PMM2: variants seen among roughly 807,000 people sequenced by gnomAD.
The protein encoded by PMM2 is mannose-6-phosphate isomerase.
PMM2 carries 35 observed loss-of-function variants against 33.2 expected under a neutral mutation model. The observed-to-expected ratio is 1.06, with a 90% CI of 0.81 to 1.40. The LOEUF is 1.40. PMM2 is among the 40% of genes most tolerant of loss of function. PMM2 has a pLI of 0.00. For missense variants in PMM2, 386 were observed against 306.0 expected, an observed-to-expected ratio of 1.26 and a Z score of -1.95; for synonymous variants, 153 against 114.7, an observed-to-expected ratio of 1.33 and a Z score of -2.13.
At chr16:8,830,058 C>T (rs894572195) in intron 7 of PMM2, among the ~76,000 whole-genome samples, 4 of 152,230 alleles carry the variant, frequency 2.6e-5, no homozygotes, top group Non-Finnish European at 5.9e-5. Context: ...GATGGGGCTA[C>T]AGTTACAGGA....
chr16:8,833,563 G>T (rs527291535), intron 7 of PMM2, among the ~76,000 whole-genome samples: 1 of 151,700 alleles, frequency 6.6e-6, no homozygotes, highest in African/African-American at 2.4e-5. Flanking sequence ...GAGAATGGAC[G>T]ATGTTTCTCA....
chr16:8,805,724 G>A (rs2060644287), intron 3 of PMM2, among the ~76,000 whole-genome samples: 1 of 151,926 alleles, frequency 6.6e-6, no homozygotes, highest in Non-Finnish European at 1.5e-5. Flanking sequence ...TCCCTAGGTG[G>A]GATTACAGGC....
intron 1 of PMM2, among the ~76,000 whole-genome samples, chr16:8,798,636 C>T (rs764736095): frequency 6.6e-6 from 1 of 152,212 alleles, no homozygotes; most frequent in Non-Finnish European, 1.5e-5. Flanking sequence ...AGGCTGCCCG[C>T]TGAGAGCCTC....
At chr16:8,832,369 G>A (rs2060815789) in intron 7 of PMM2, 1 of 985,290 alleles carries the variant, frequency 1.0e-6, no homozygotes, top group South Asian at 4.7e-5. Context: ...TTCCTGGATG[G>A]GAATTGATTC....
chr16:8,844,584 G>T (rs532714503), intron 7 of PMM2, among the ~76,000 whole-genome samples: 4 of 152,322 alleles, frequency 2.6e-5, no homozygotes, highest in East Asian at 3.9e-4. Context: ...GGGACTTGCC[G>T]CTAAGGGTTA....
intron 7 of PMM2, chr16:8,833,054 C>T (rs1055852313): frequency 1.0e-4 from 30 of 293,760 alleles, no homozygotes; most frequent in African/African-American, 1.8e-4. Context: ...CGTGCGCGTC[C>T]GTGTGAAGAG....
At chr16:8,804,881 A>C (rs761867405) in intron 3 of PMM2, 38 bp downstream of exon 3, 79 of 1,326,410 alleles carry the variant, frequency 6.0e-5, no homozygotes, top group Non-Finnish European at 8.2e-5. Context: ...TATACTATTA[A>C]AAGTGTTTTC....
At chr16:8,836,616 C>A (rs7198614) in intron 7 of PMM2, among the ~76,000 whole-genome samples, 74,572 of 151,694 alleles carry the variant, frequency 0.49, 18,685 homozygotes, top group South Asian at 0.55. Flanking sequence ...CTATTACTGT[C>A]CACCTTGAAG....
intron 7 of PMM2, among the ~76,000 whole-genome samples, chr16:8,823,439 GT>G (rs948520101): frequency 2.0e-5 from 3 of 152,134 alleles, no homozygotes; most frequent in African/African-American, 7.2e-5. Flanking sequence ...GTGTATCATA[GT>G]TTTTTGAAAC....
At chr16:8,812,906 A>G in intron 6 of PMM2, 85 bp from the exon 7 acceptor site, 2 of 835,966 alleles carry the variant, frequency 2.4e-6, no homozygotes, top group East Asian at 2.4e-5. Context: ...ACTAACTGAC[A>G]AAAGAGTAAA....
chr16:8,847,878 G>A lies in PMM2; in HGVS notation c.*53G>A, dbSNP rs762640350. ...GCTGACAAGCCAGCATAGGGCATTCGGTGGCCAGAGCCGAGGGTCCTCCCA... is the reference window on the plus strand; with the variant it reads ...GCTGACAAGCCAGCATAGGGCATTCAGTGGCCAGAGCCGAGGGTCCTCCCA... On this transcript the variant is annotated 3_prime_UTR_variant, in exon 8 of 8. Transcript: ENST00000268261. The A allele has an allele frequency of 3.3e-5, 46 of 1,393,058 alleles. No individual in the cohort carries two copies. Among genetic ancestry groups the A allele is most frequent in the Middle Eastern group, 2.0e-4 (1 of 5,086 alleles). The allele number at this position is 1,393,058 out of a possible 1,614,324, so 86.3% of individuals were successfully genotyped here. A position where few individuals can be genotyped will look rare whatever the true frequency, so the allele number is the denominator to read the frequency against.
At chr16:8,832,567 C>G in intron 7 of PMM2, 3 of 985,408 alleles carry the variant, frequency 3.0e-6, no homozygotes, top group Non-Finnish European at 3.6e-6. Flanking sequence ...AGCATAAACC[C>G]TTTTTGCTTC....
Position 8,811,164 on chromosome 16 carries a change from T to C in PMM2, c.433T>C (p.Tyr145His). ...CAGCCAAGAAGAACGCATTGAGTTC[T>C]ACGAACTCGATAAAGTACGTCTTTC... The part of the protein sequence containing the change: ...SCSQEERIEF[Y>H]ELDKKENIRQ... Residue 145 changes from tyrosine to histidine, a missense_variant, in exon 5 of 8, where the codon TAC becomes CAC. By Grantham distance (83) the Tyr-to-His change is moderately conservative. Coordinates refer to ENST00000268261, the MANE Select transcript of PMM2 (RefSeq NM_000303.3). 6.4e-7 allele frequency: 1 copy of C among 1,561,762 alleles called. No homozygotes were observed. The highest frequency in any genetic ancestry group is 8.7e-7 in the Non-Finnish European group (1 of 1,146,552).
intron 7 of PMM2, among the ~76,000 whole-genome samples, chr16:8,815,940 A>G (rs955955159): frequency 5.9e-5 from 9 of 151,572 alleles, no homozygotes; most frequent in African/African-American, 2.2e-4. Context: ...TGTATAAGAA[A>G]CTCCAACAAC....
chr16:8,797,956 GC>G lies in PMM2; in HGVS notation c.66+9del. On this transcript the variant is annotated intron_variant, in intron 1 of 7. Transcript: ENST00000268261. ...CTCACCGCCCCGCGGCAGGTAAGTG[GC>G]GGCCGGCGGGCTGCTGGCAGCCGAC... is the stretch of plus-strand genomic sequence containing the variant. The G allele has an allele frequency of 6.3e-7, 1 of 1,596,376 alleles. No homozygotes were observed. Among genetic ancestry groups the G allele is most frequent in the Non-Finnish European group, 8.5e-7 (1 of 1,172,562 alleles).
chr16:8,837,559 A>C (rs2060858453), intron 7 of PMM2, among the ~76,000 whole-genome samples: 1 of 149,540 alleles, frequency 6.7e-6, no homozygotes, highest in Non-Finnish European at 1.5e-5. Flanking sequence ...AAAGCAGAGA[A>C]GGGGTTGGGG....
chr16:8,828,568 C>T (rs777690088), intron 7 of PMM2, among the ~76,000 whole-genome samples: 1 of 152,182 alleles, frequency 6.6e-6, no homozygotes, highest in Admixed American at 6.5e-5. Flanking sequence ...CCCAAAAATT[C>T]ATGCCCTCTG....
intron 2 of PMM2, among the ~76,000 whole-genome samples, chr16:8,803,949 G>T (rs760162191): frequency 6.6e-6 from 1 of 151,220 alleles, no homozygotes; most frequent in African/African-American, 2.4e-5. Flanking sequence ...CTCCCAAAGT[G>T]CTGGGATTAC....
intron 2 of PMM2, chr16:8,802,428 A>T (rs2060621768): frequency 5.2e-6 from 2 of 383,712 alleles, no homozygotes; most frequent in Non-Finnish European, 5.1e-6. Context: ...CAACCTTGCT[A>T]ATGTAGCATT....
Sources: gnomAD v4.1 joint callset for allele counts (sites outside exome capture counted in the v4.1 genomes callset) on GRCh38, gnomAD v4.1.1 for gene constraint, MANE v1.5 for transcripts, NCBI Gene and HGNC (gene_info 2026-07-23, HGNC 2026-07-21) for gene names.